PPP1R14C: variants seen among roughly 807,000 people sequenced by gnomAD.
The protein encoded by PPP1R14C is protein phosphatase 1 regulatory subunit 14C.
A neutral mutation model predicts 20.4 loss-of-function variants in PPP1R14C; 16 were observed. The observed-to-expected ratio is 0.78, with a 90% CI of 0.53 to 1.19. The LOEUF (loss-of-function observed/expected upper bound fraction) is 1.19. PPP1R14C is among the 50% of genes most tolerant of loss of function. The pLI is 0.00. For missense variants in PPP1R14C, 211 were observed against 220.1 expected (o/e 0.96, Z 0.26); for synonymous variants, 91 against 91.0 (o/e 1.00, Z 0.00).
At chr6:150,202,763 G>C (rs1777894612) in intron 1 of PPP1R14C, among the ~76,000 whole-genome samples, 1 of 152,220 alleles carries the variant, frequency 6.6e-6, no homozygotes, top group African/African-American at 2.4e-5. Context: ...AGAACCAGCA[G>C]AGCCAGTCAC....
chr6:150,181,287 GC>G (rs2114878849), intron 1 of PPP1R14C, among the ~76,000 whole-genome samples: 1 of 152,192 alleles, frequency 6.6e-6, no homozygotes, highest in African/African-American at 2.4e-5. Flanking sequence ...AGACTCTCTT[GC>G]CTCAGCCTCC....
intron 1 of PPP1R14C, among the ~76,000 whole-genome samples, chr6:150,197,627 G>GC (rs1433971904): frequency 1.3e-5 from 2 of 152,254 alleles, no homozygotes; most frequent in East Asian, 3.8e-4. Context: ...AGCACCTCCT[G>GC]TTTTCCAATG....
At chr6:150,160,483 G>A (rs892637788) in intron 1 of PPP1R14C, among the ~76,000 whole-genome samples, 2 of 150,142 alleles carry the variant, frequency 1.3e-5, no homozygotes, top group Non-Finnish European at 3.0e-5. Context: ...CCGTGTTAGC[G>A]AGGATGGTCT....
chr6:150,167,138 G>A (rs1302326569), intron 1 of PPP1R14C, among the ~76,000 whole-genome samples: 2 of 152,186 alleles, frequency 1.3e-5, no homozygotes, highest in East Asian at 1.9e-4. Context: ...AGGCCGAGGC[G>A]GGCGGATCAC....
chr6:150,196,252 C>A, intron 1 of PPP1R14C: 1 of 434,372 alleles, frequency 2.3e-6, no homozygotes, highest in Non-Finnish European at 3.1e-6. Flanking sequence ...TTCAGCCCTG[C>A]TTGCCTTTAT....
chr6:150,192,703 T>A (rs1777759782), intron 1 of PPP1R14C, among the ~76,000 whole-genome samples: 1 of 152,196 alleles, frequency 6.6e-6, no homozygotes, highest in African/African-American at 2.4e-5. Context: ...TGGGGGTTGA[T>A]AGGACTCAGC....
At chr6:150,164,417 G>C (rs991413139) in intron 1 of PPP1R14C, among the ~76,000 whole-genome samples, 2 of 151,966 alleles carry the variant, frequency 1.3e-5, no homozygotes, top group Non-Finnish European at 2.9e-5. Context: ...CTTTATATTT[G>C]GTACATTTTC....
At chr6:150,243,591 C>T (rs950967019) in intron 3 of PPP1R14C, among the ~76,000 whole-genome samples, 8 of 152,172 alleles carry the variant, frequency 5.3e-5, no homozygotes, top group Non-Finnish European at 1.0e-4. Flanking sequence ...ATAAATAAAT[C>T]TGTACTTTTT....
At chr6:150,211,547 T>C (rs976345248) in intron 1 of PPP1R14C, among the ~76,000 whole-genome samples, 1 of 152,204 alleles carries the variant, frequency 6.6e-6, no homozygotes, top group Non-Finnish European at 1.5e-5. Flanking sequence ...AGTGATTTGA[T>C]CTATCACTAA....
At chr6:150,208,504 AATAC>A (rs1382618912) in intron 1 of PPP1R14C, among the ~76,000 whole-genome samples, 4 of 152,272 alleles carry the variant, frequency 2.6e-5, no homozygotes, top group African/African-American at 9.6e-5. Context: ...ATATTATTTA[AATAC>A]ATACCACTTA....
chr6:150,206,003 G>C (rs980437793), intron 1 of PPP1R14C, among the ~76,000 whole-genome samples: 2 of 151,840 alleles, frequency 1.3e-5, no homozygotes. Flanking sequence ...TCTTGCTCAC[G>C]GTACAAGTCA....
Position 150,222,916 on chromosome 6 carries a change from G to A in PPP1R14C, c.423+6060G>A, listed in dbSNP as rs542514261. On this transcript the variant is annotated intron_variant, in intron 3 of 3. Transcript: ENST00000361131. ...TCTCAGTAGCTGGGATTACAGGCGC[G>A]TGCCACCACACCCGGCTAATTTTTG... Among the ~76,000 whole-genome samples the A allele has an allele frequency of 1.4e-4, 21 of 151,604 alleles. No homozygotes were observed. In the South Asian group the frequency reaches 1.7e-3, roughly 12 times the overall value.
intron 1 of PPP1R14C, among the ~76,000 whole-genome samples, chr6:150,168,519 C>T (rs966553390): frequency 9.6e-6 from 1 of 104,236 alleles, no homozygotes; most frequent in African/African-American, 3.3e-5. Context: ...GGCGAAAGAG[C>T]GAGACTCCCG....
At chr6:150,170,546 TCTC>T (rs1245491900) in intron 1 of PPP1R14C, among the ~76,000 whole-genome samples, 1 of 152,022 alleles carries the variant, frequency 6.6e-6, no homozygotes, top group South Asian at 2.1e-4. Context: ...ATGGTCTTGA[TCTC>T]CTGACCTCGT....
intron 1 of PPP1R14C, among the ~76,000 whole-genome samples, chr6:150,177,279 G>A (rs909456996): frequency 6.6e-6 from 1 of 152,194 alleles, no homozygotes; most frequent in Non-Finnish European, 1.5e-5. Context: ...TTCTGTGAAA[G>A]GATCTGGGGA....
chr6:150,151,151 A>AGT (rs1777242899), intron 1 of PPP1R14C, among the ~76,000 whole-genome samples: 1 of 151,686 alleles, frequency 6.6e-6, no homozygotes, highest in African/African-American at 2.4e-5. Context: ...CTGTATTTTT[A>AGT]GCCCTGATCT....
chr6:150,218,325 C>T (rs917831885), intron 3 of PPP1R14C, among the ~76,000 whole-genome samples: 4 of 151,884 alleles, frequency 2.6e-5, no homozygotes, highest in Non-Finnish European at 5.9e-5. Context: ...ATGGCGTGAA[C>T]CTGGGAGGCG....
chr6:150,151,556 A>G (rs962024679), intron 1 of PPP1R14C, among the ~76,000 whole-genome samples: 4 of 152,158 alleles, frequency 2.6e-5, no homozygotes, highest in Non-Finnish European at 5.9e-5. Context: ...TCTTTCTGCT[A>G]CTGCACCCTC....
Position 150,218,485 on chromosome 6 carries a change from CAA to C in PPP1R14C, c.423+1637_423+1638del, listed in dbSNP as rs137954748. ...ACTAATACATCTGAACCCCCCCCCC[CAA>C]AAAAAAATTCTGAGGCTTATTTTAA... On this transcript the variant is annotated intron_variant, in intron 3 of 3. Transcript: ENST00000361131. Among the ~76,000 whole-genome samples the C allele has an allele frequency of 6.3e-3, 794 of 125,758 alleles. 5 individuals carry two copies. Among genetic ancestry groups the C allele is most frequent in the Non-Finnish European group, 0.01 (596 of 58,820 alleles). 82.5% of individuals were successfully genotyped at this position (125,758 alleles called of 152,430 possible). A position where few individuals can be genotyped will look rare whatever the true frequency, so the allele number is the denominator to read the frequency against.
Sources: allele counts gnomAD v4.1 joint callset (sites outside exome capture counted in the v4.1 genomes callset), GRCh38; gene constraint gnomAD v4.1.1; transcripts MANE v1.5; gene names NCBI Gene and HGNC (gene_info 2026-07-23, HGNC 2026-07-21).